The following RFX1 variants were observed in gnomAD, a reference collection of about 807,000 sequenced individuals.
The protein encoded by RFX1 is regulatory factor X1.
Under a neutral mutation model 119.6 loss-of-function variants are expected in RFX1, and 42 were observed. The observed-to-expected ratio is 0.35, with a 90% confidence interval of 0.27 to 0.45. RFX1 has a LOEUF of 0.45. Among genes scored for constraint, RFX1 ranks in the 20% least tolerant of loss-of-function variants. The pLI, the probability that RFX1 is intolerant of heterozygous loss-of-function variation, is 1.00. For missense variants in RFX1, 1,118 were observed against 1,368.1 expected, an observed-to-expected ratio of 0.82 and a Z score of 2.88; for synonymous variants, 628 against 618.5, an observed-to-expected ratio of 1.02 and a Z score of -0.23.
At position 13,983,223 on chromosome 19, in the gene RFX1, C is replaced by A. The variant is rs763514451; in HGVS notation, c.477G>T (p.Ser159=). The A allele has an allele frequency of 2.5e-6, 4 of 1,579,672 alleles. No individual in the cohort carries two copies. Among genetic ancestry groups the A allele is most frequent in the Non-Finnish European group, 3.4e-6 (4 of 1,166,802 alleles). ...CTTGGATGTTGGTCAGCTGGAGGGG[C>A]GACACGTGGCCTGGCTTGGCCTGCA... ...TSVQAKPGHV[S]PLQLTNIQVP... is the part of the protein sequence containing the mutation. Residue 159 remains serine, a synonymous_variant, in exon 4 of 21, where the codon TCG becomes TCT. Transcript: ENST00000254325.
intron 1 of RFX1, among the ~76,000 whole-genome samples, chr19:13,995,421 C>A (rs894106448): frequency 6.6e-6 from 1 of 152,090 alleles, no homozygotes. Flanking sequence ...GGCCCTCTGT[C>A]TGGGAGCAGT....
In RFX1 at chr19:13,990,913, A is replaced by T. The variant is rs1018693141; in HGVS notation, c.319+2612T>A. Among the ~76,000 whole-genome samples, 1 of 152,062 alleles carries T rather than the reference A, an allele frequency of 6.6e-6. No homozygotes were observed. Among genetic ancestry groups the T allele is most frequent in the Non-Finnish European group, 1.5e-5 (1 of 68,020 alleles). ...GAGTATCACTGAGCCCAGGAGTTGG[A>T]GGTTACAGTGAGCCATGATTGCACC... On this transcript the variant is annotated intron_variant, in intron 2 of 20. Transcript: ENST00000254325. This position sits in a 1 kb window ranked among gnomAD's most constrained non-coding sequence, Gnocchi z 4.1.
In RFX1 at chr19:13,990,117, T is replaced by C. The variant is rs990931193; in HGVS notation, c.319+3408A>G. ...GCAGCCCAGGCTGGAGACCTCAGTG[T>C]GGGTAATGAGAGCTGGGACACAGGA... is the stretch of plus-strand genomic sequence containing the variant. On this transcript the variant is annotated intron_variant, in intron 2 of 20. Coordinates refer to ENST00000254325, the MANE Select transcript of RFX1 (RefSeq NM_002918.5). This position sits in a 1 kb window ranked among gnomAD's most constrained non-coding sequence, Gnocchi z 4.1. Among the ~76,000 whole-genome samples, 7 of 151,916 alleles carry C rather than the reference T, an allele frequency of 4.6e-5. No individual in the cohort carries two copies. Among genetic ancestry groups the C allele is most frequent in the African/African-American group, 1.7e-4 (7 of 41,350 alleles).
intron 8 of RFX1, among the ~76,000 whole-genome samples, chr19:13,973,363 G>A (rs1974152878): frequency 6.6e-6 from 1 of 152,116 alleles, no homozygotes; most frequent in Non-Finnish European, 1.5e-5. Flanking sequence ...TGTAATTCCA[G>A]CACTTTGGGA....
chr19:13,969,925 G>A lies in RFX1; in HGVS notation c.1496+69C>T. On this transcript the variant is annotated intron_variant, in intron 10 of 20. Transcript: ENST00000254325. The surrounding 1 kb of genome is among the most constrained non-coding windows in gnomAD (Gnocchi z 4.5). ...GGACTGGACTGCCTGAGATGACTCG[G>A]AGTGGGGGTGGGCCTTGGCATGCCC... 1 of 1,481,754 alleles carries A rather than the reference G, an allele frequency of 6.7e-7. No homozygotes were observed. Among genetic ancestry groups the A allele is most frequent in the Non-Finnish European group, 9.1e-7 (1 of 1,096,276 alleles). The allele number at this position is 1,481,754 out of a possible 1,614,324, so 91.8% of individuals were successfully genotyped here.
intron 2 of RFX1, among the ~76,000 whole-genome samples, chr19:13,988,936 C>A (rs1034025975): frequency 1.3e-5 from 2 of 152,156 alleles, no homozygotes; most frequent in African/African-American, 4.8e-5. Flanking sequence ...GCAGGAGAAT[C>A]GCTTGAACCC....
chr19:14,000,373 C>A (rs1470771556), intron 1 of RFX1, among the ~76,000 whole-genome samples: 2 of 152,102 alleles, frequency 1.3e-5, no homozygotes, highest in East Asian at 3.9e-4. Context: ...GTAATCCCAG[C>A]TACTCAGGAG....
chr19:13,995,399 A>T (rs746860559), intron 1 of RFX1, among the ~76,000 whole-genome samples: 1 of 152,046 alleles, frequency 6.6e-6, no homozygotes, highest in African/African-American at 2.4e-5. Context: ...ATGGGGCCAC[A>T]GGGGCTTTTT....
At chr19:14,001,139 C>T (rs1255958562) in intron 1 of RFX1, among the ~76,000 whole-genome samples, 1 of 152,152 alleles carries the variant, frequency 6.6e-6, no homozygotes, top group Non-Finnish European at 1.5e-5. Flanking sequence ...ACCTCTTCCT[C>T]CCACCTGGCA....
chr19:13,982,329 G>A (rs891848555), intron 4 of RFX1, 101 bp from the exon 5 acceptor site: 27 of 551,116 alleles, frequency 4.9e-5, no homozygotes, highest in Admixed American at 3.1e-4. Flanking sequence ...AGTGCTTCAC[G>A]CCTGTTAGCT....
At chr19:14,006,658 C>T (rs140537255), upstream of RFX1, 27 of 152,364 alleles carry the variant, frequency 1.8e-4, no homozygotes, top group African/African-American at 6.5e-4. Context: ...AAAGGTTTGC[C>T]GCGCTCTCTG....
At chr19:13,970,661 CAAAAAAAAAAA>C (rs1167910642) in intron 9 of RFX1, among the ~76,000 whole-genome samples, 538 of 25,774 alleles carry the variant, frequency 0.021, 3 homozygotes, top group Admixed American at 0.042. Context: ...GACCTTGTCT[CAAAAAAAAAAA>C]AAAAAAAAAA....
chr19:13,985,480 A>G lies in RFX1; in HGVS notation c.320-1885T>C, dbSNP rs1974562132. Among the ~76,000 whole-genome samples the G allele has an allele frequency of 1.3e-5, 2 of 152,168 alleles. No individual in the cohort carries two copies. Among genetic ancestry groups the G allele is most frequent in the Non-Finnish European group, 2.9e-5 (2 of 68,018 alleles). ...GCATGAGCCACTGCACCTGGCTGAC[A>G]GTAAGAGCTTTTATTACCCATTTTC... On this transcript the variant is annotated intron_variant, in intron 2 of 20. Transcript: ENST00000254325. The surrounding 1 kb of genome is among the most constrained non-coding windows in gnomAD (Gnocchi z 4.3).
chr19:13,983,570 T>C lies in RFX1; in HGVS notation c.345A>G (p.Thr115=). The part of the protein sequence containing the change: ...VSEGAMRASE[T]VSEASPGSTA... ...TGGAGCCGGGGCTGGCCTCCGACAC[T>C]GTCTCGCTGGCCCGCATGGCACCTT... Residue 115 remains threonine, a synonymous_variant, in exon 3 of 21, where the codon ACA becomes ACG. Coordinates refer to ENST00000254325, the MANE Select transcript of RFX1 (RefSeq NM_002918.5). The C allele has an allele frequency of 6.2e-7, 1 of 1,608,786 alleles. No individual in the cohort carries two copies. The highest frequency in any genetic ancestry group is 8.5e-7 in the Non-Finnish European group (1 of 1,178,878).
intron 1 of RFX1, among the ~76,000 whole-genome samples, chr19:13,999,398 G>A (rs1395941527): frequency 6.6e-6 from 1 of 152,278 alleles, no homozygotes; most frequent in African/African-American, 2.4e-5. Flanking sequence ...AGCAGTAAAC[G>A]TTATTAGTTT....
Position 13,969,010 on chromosome 19 carries a change from T to C in RFX1, c.1497-116A>G. On this transcript the variant is annotated intron_variant, in intron 10 of 20. Coordinates refer to ENST00000254325, the MANE Select transcript of RFX1 (RefSeq NM_002918.5). This position sits in a 1 kb window ranked among gnomAD's most constrained non-coding sequence, Gnocchi z 4.5. Reference sequence around the variant, plus strand: ...TTAGGAGAATGGATAGAGAGACGCCTGCCCTGCAGAGACGGGGGTGCTGCA... The same window carrying C: ...TTAGGAGAATGGATAGAGAGACGCCCGCCCTGCAGAGACGGGGGTGCTGCA... 1 of 1,201,276 alleles carries C rather than the reference T, an allele frequency of 8.3e-7. No homozygotes were observed. The highest frequency in any genetic ancestry group is 2.3e-5 in the Admixed American group (1 of 43,070). 74.4% of individuals were successfully genotyped at this position (1,201,276 alleles called of 1,614,324 possible).
In RFX1 at chr19:13,968,235, CAG is replaced by C. The variant is rs1973965777; in HGVS notation, c.1732+328_1732+329del. Among the ~76,000 whole-genome samples, 1 of 152,056 alleles carries C rather than the reference CAG, an allele frequency of 6.6e-6. No homozygotes were observed. The highest frequency in any genetic ancestry group is 1.5e-5 in the Non-Finnish European group (1 of 68,012). On this transcript the variant is annotated intron_variant, in intron 12 of 20. Coordinates refer to ENST00000254325, the MANE Select transcript of RFX1 (RefSeq NM_002918.5). The surrounding 1 kb of genome is among the most constrained non-coding windows in gnomAD (Gnocchi z 5.5). The stretch of plus-strand genomic sequence containing the variant: ...TGCCACTGCACTCCAGCCTGGACGA[CAG>C]AGAATCTATCTCAAAAAAATAAACA...
At chr19:13,975,530 G>C (rs1455183841) in intron 8 of RFX1, among the ~76,000 whole-genome samples, 2 of 152,082 alleles carry the variant, frequency 1.3e-5, no homozygotes, top group African/African-American at 4.8e-5. Context: ...ATGGAAGCAT[G>C]GTCTTTGTCA....
chr19:13,997,616 A>G (rs769369121), intron 1 of RFX1, among the ~76,000 whole-genome samples: 1 of 152,220 alleles, frequency 6.6e-6, no homozygotes, highest in Non-Finnish European at 1.5e-5. Flanking sequence ...AGGATGAAGG[A>G]AACAGGAGCT....
Sources: allele counts gnomAD v4.1 joint callset (sites outside exome capture counted in the v4.1 genomes callset), GRCh38; gene constraint gnomAD v4.1.1; non-coding constraint Gnocchi (gnomAD v3.1); transcripts MANE v1.5; gene names NCBI Gene and HGNC (gene_info 2026-07-23, HGNC 2026-07-21).